The following BECN1 variants were observed in gnomAD, a reference collection of about 807,000 sequenced individuals.
The protein encoded by BECN1 is beclin 1, also known as beclin-1.
A neutral mutation model predicts 60.1 loss-of-function variants in BECN1; 15 were observed. The observed-to-expected ratio is 0.25, with a 90% confidence interval of 0.17 to 0.38. The LOEUF is 0.38. Ranked by LOEUF, BECN1 falls within the 10% of genes least tolerant of loss-of-function variation. BECN1 has a pLI of 1.00. For synonymous variants in BECN1, 179 were observed against 201.8 expected (o/e 0.89, Z 0.96); for missense variants, 424 against 548.2 (o/e 0.77, Z 2.26).
chr17:42,811,293 C>G (rs984509459), intron 11 of BECN1: 14 of 277,750 alleles, frequency 5.0e-5, no homozygotes, highest in Non-Finnish European at 8.0e-5. Flanking sequence ...CAGCCTTACT[C>G]TAAGTAAAAA....
At position 42,811,645 on chromosome 17, in the gene BECN1, CTA is replaced by C. The variant is rs1567667274; in HGVS notation, c.1184+8_1184+9del. On this transcript the variant is annotated splice_region_variant and intron_variant, in intron 11 of 11. Coordinates refer to ENST00000590099, the MANE Select transcript of BECN1 (RefSeq NM_001313998.2). ...CTATACAAGTTCACTCAGCATTGCG[CTA>C]TACTGACCTGTAGGGAAGACAAAAA... is the stretch of plus-strand genomic sequence containing the variant. 6.2e-7 allele frequency: 1 copy of C among 1,612,412 alleles called. No homozygotes were observed. The highest frequency in any genetic ancestry group is 8.5e-7 in the Non-Finnish European group (1 of 1,179,292).
chr17:42,819,352 C>T, intron 4 of BECN1, 196 bp downstream of exon 4: 1 of 592,402 alleles, frequency 1.7e-6, no homozygotes, highest in Admixed American at 3.3e-5. Context: ...TCCTTTCCCA[C>T]TCTGTGAACA....
At chr17:42,819,757 C>G (rs1177949813) in intron 3 of BECN1, 148 bp from the exon 4 acceptor site, 1 of 767,060 alleles carries the variant, frequency 1.3e-6, no homozygotes, top group Non-Finnish European at 2.1e-6. Context: ...ATTATCGAAG[C>G]AATCCTTGTG....
intron 8 of BECN1, 69 bp downstream of exon 8, chr17:42,815,839 C>T: frequency 3.1e-6 from 5 of 1,603,276 alleles, no homozygotes; most frequent in African/African-American, 1.3e-5. Flanking sequence ...GAAGTGGGCA[C>T]CCAGGCTTAG....
chr17:42,816,184 G>A (rs1169383927), intron 7 of BECN1, 130 bp from the exon 8 acceptor site: 7 of 1,005,428 alleles, frequency 7.0e-6, no homozygotes, highest in Non-Finnish European at 9.9e-6. Context: ...ATTTGGCATA[G>A]ATCCCATTCT....
chr17:42,814,490 A>G (rs754036438), intron 9 of BECN1, 34 bp downstream of exon 9: 15 of 1,613,434 alleles, frequency 9.3e-6, no homozygotes, highest in Non-Finnish European at 1.3e-5. Context: ...ATATCAATGC[A>G]CATCACTCCC....
chr17:42,816,199 A>ACAT, intron 7 of BECN1, 145 bp from the exon 8 acceptor site: 3 of 853,048 alleles, frequency 3.5e-6, no homozygotes, highest in Non-Finnish European at 5.2e-6. Context: ...CATTCTGAGG[A>ACAT]ACATGTATGT....
chr17:42,820,678 T>C, intron 3 of BECN1, 96 bp downstream of exon 3: 1 of 1,305,378 alleles, frequency 7.7e-7, no homozygotes, highest in Non-Finnish European at 1.1e-6. Context: ...CCAAGTAGCC[T>C]GCAGAAACCA....
chr17:42,818,759 G>A, intron 5 of BECN1, 28 bp downstream of exon 5: 1 of 1,614,006 alleles, frequency 6.2e-7, no homozygotes, highest in Non-Finnish European at 8.5e-7. Flanking sequence ...CAGGCCTACT[G>A]CTTGCCACCG....
At chr17:42,823,635 T>C (rs997966013) in intron 2 of BECN1, 113 bp downstream of exon 2, 5 of 1,406,768 alleles carry the variant, frequency 3.6e-6, no homozygotes, top group South Asian at 1.4e-5. Context: ...GTGACTTTCC[T>C]AGGTTCACAC....
chr17:42,818,401 A>G lies in BECN1; in HGVS notation c.503T>C (p.Ile168Thr). 1 of 1,614,160 alleles carries G rather than the reference A, an allele frequency of 6.2e-7. No individual in the cohort carries two copies. Among genetic ancestry groups the G allele is most frequent in the Non-Finnish European group, 8.5e-7 (1 of 1,180,034 alleles). The change falls in exon 7 of 12, where the codon ATC (isoleucine) becomes ACC (threonine). Residue 168 changes from isoleucine to threonine, a missense_variant. Ile to Thr is a moderately conservative substitution (Grantham distance 89). Coordinates refer to ENST00000590099, the MANE Select transcript of BECN1 (RefSeq NM_001313998.2). ...GTCATCCTCATTCATTTGCTCTAAG[A>G]TCTCCAAACAGCGTCTGCCAAAGAC... ...ECQNYKRCLEILEQMNEDDSE... is the reference protein window; with the variant it reads ...ECQNYKRCLETLEQMNEDDSE...
rs1282168468 is a variant in BECN1, at chr17:42,815,934, G to A, written c.804C>T (p.Asn268=). ...AGATGTGGAAGGTTGCATTAAAGAC[G>A]TTGGTTTTCTTCAGCTTATCCAGCT... ...QTQLDKLKKT[N]VFNATFHIWH... is the part of the protein sequence containing the mutation. Residue 268 remains asparagine, a synonymous_variant, in exon 8 of 12, where the codon AAC becomes AAT. Transcript: ENST00000590099. 3 of 1,614,186 alleles carry A rather than the reference G, an allele frequency of 1.9e-6. No homozygotes were observed. Among genetic ancestry groups the A allele is most frequent in the Admixed American group, 1.7e-5 (1 of 60,016 alleles).
rs2054976765 is a variant in BECN1, at chr17:42,810,643, C to T, written c.*117G>A. The T allele has an allele frequency of 8.9e-7, 1 of 1,128,934 alleles. No individual in the cohort carries two copies. Among genetic ancestry groups the T allele is most frequent in the Non-Finnish European group, 1.2e-6 (1 of 830,942 alleles). 69.9% of individuals were successfully genotyped at this position (1,128,934 alleles called of 1,614,324 possible). Reference sequence around the variant, plus strand: ...ATAAAGTGGCTTTTGTGGATTTTTTCTTTTTTGGTATTGTAAACATGTACT... The same window carrying T: ...ATAAAGTGGCTTTTGTGGATTTTTTTTTTTTTGGTATTGTAAACATGTACT... On this transcript the variant is annotated 3_prime_UTR_variant, in exon 12 of 12. Coordinates refer to ENST00000590099, the MANE Select transcript of BECN1 (RefSeq NM_001313998.2).
Position 42,813,045 on chromosome 17 carries a change from T to C in BECN1, c.1041+903A>G, listed in dbSNP as rs373031919. 1.3e-3 allele frequency among the ~76,000 whole-genome samples: 191 copies of C among 146,486 alleles called. 3 individuals are homozygous for C. In the East Asian group the frequency reaches 0.025, roughly 19 times the overall value. ...ATTTTTAGTAGAGACGGGGTTTCACTGTGTTAGCCAGGATGGTCTCAATCT... is the reference window on the plus strand; with the variant it reads ...ATTTTTAGTAGAGACGGGGTTTCACCGTGTTAGCCAGGATGGTCTCAATCT... On this transcript the variant is annotated intron_variant, in intron 10 of 11. Coordinates refer to ENST00000590099, the MANE Select transcript of BECN1 (RefSeq NM_001313998.2).
chr17:42,818,256 C>T lies in BECN1; in HGVS notation c.648G>A (p.Gln216=). ...KIVAENLEKV[Q]AEAERLDQEE... is the part of the protein sequence containing the mutation. ...CCTGATCCAGTCTCTCAGCCTCAGCCTGGACCTTCTCGAGATTTTCTGCCA... is the reference window on the plus strand; with the variant it reads ...CCTGATCCAGTCTCTCAGCCTCAGCTTGGACCTTCTCGAGATTTTCTGCCA... Residue 216 remains glutamine (Q), a synonymous_variant, in exon 7 of 12, where the codon CAG becomes CAA. Transcript: ENST00000590099. 6.2e-7 allele frequency: 1 copy of T among 1,614,210 alleles called. No individual in the cohort carries two copies. The highest frequency in any genetic ancestry group is 8.5e-7 in the Non-Finnish European group (1 of 1,180,026).
intron 10 of BECN1, chr17:42,812,388 A>G (rs1453688305): frequency 6.7e-6 from 1 of 149,318 alleles, no homozygotes; most frequent in Non-Finnish European, 1.5e-5. Flanking sequence ...CCATTTCAAA[A>G]AAAAAAAAAA....
At chr17:42,818,967 AC>A in intron 4 of BECN1, 90 bp from the exon 5 acceptor site, 1 of 1,432,910 alleles carries the variant, frequency 7.0e-7, no homozygotes, top group Non-Finnish European at 9.7e-7. Flanking sequence ...ACTCTCAAGC[AC>A]CAGCTGAGGG....
chr17:42,823,238 G>A (rs2055307467), intron 2 of BECN1, among the ~76,000 whole-genome samples: 1 of 152,046 alleles, frequency 6.6e-6, no homozygotes, highest in Admixed American at 6.6e-5. Context: ...AGAAAATAAG[G>A]ATCTTTCTTT....
intron 9 of BECN1, 142 bp downstream of exon 9, chr17:42,814,382 A>G: frequency 1.8e-6 from 2 of 1,126,408 alleles, no homozygotes; most frequent in Non-Finnish European, 1.3e-6. Flanking sequence ...GGGGAAAATC[A>G]GATGCTGACA....
Sources: gnomAD v4.1 joint callset for allele counts (sites outside exome capture counted in the v4.1 genomes callset) on GRCh38, gnomAD v4.1.1 for gene constraint, MANE v1.5 for transcripts, NCBI Gene and HGNC (gene_info 2026-07-23, HGNC 2026-07-21) for gene names.